The following TRIO variants were observed in gnomAD, a reference collection of about 807,000 sequenced individuals.
The protein encoded by TRIO is trio Rho guanine nucleotide exchange factor, also known as triple functional domain protein.
Under a neutral mutation model 351.9 loss-of-function variants are expected in TRIO, and 58 were observed. The observed-to-expected ratio is 0.16, with a 90% CI of 0.13 to 0.21. The LOEUF is 0.21. TRIO is among the 10% of genes least tolerant of loss of function. TRIO has a pLI of 1.00. For missense variants in TRIO, 3,201 were observed against 4,027.8 expected, an observed-to-expected ratio of 0.79 and a Z score of 5.56; for synonymous variants, 1,758 against 1,595.7, an observed-to-expected ratio of 1.10 and a Z score of -2.42.
intron 2 of TRIO, among the ~76,000 whole-genome samples, chr5:14,278,845 T>C (rs1735756271): frequency 6.6e-6 from 1 of 152,204 alleles, no homozygotes; most frequent in Non-Finnish European, 1.5e-5. Context: ...GAACCCGTTA[T>C]TTAGTTATCT....
intron 27 of TRIO, among the ~76,000 whole-genome samples, chr5:14,393,698 A>G (rs1747313690): frequency 6.6e-6 from 1 of 152,142 alleles, no homozygotes; most frequent in African/African-American, 2.4e-5. Context: ...GAATACAACC[A>G]GTTGTAAAGG....
intron 34 of TRIO, among the ~76,000 whole-genome samples, chr5:14,453,831 G>T (rs1251916608): frequency 6.6e-6 from 1 of 152,192 alleles, no homozygotes; most frequent in Non-Finnish European, 1.5e-5. Context: ...GTTAGCGATG[G>T]GGTGAAAAAG....
At chr5:14,266,950 T>C (rs891328440) in intron 1 of TRIO, among the ~76,000 whole-genome samples, 7 of 152,234 alleles carry the variant, frequency 4.6e-5, no homozygotes, top group Non-Finnish European at 1.0e-4. Context: ...CCATTCTTGC[T>C]GTTTCACTGT....
chr5:14,468,834 G>A (rs376885258), intron 37 of TRIO, among the ~76,000 whole-genome samples: 1 of 152,174 alleles, frequency 6.6e-6, no homozygotes, highest in East Asian at 1.9e-4. Context: ...CAGTTACACA[G>A]TATGATGTTT....
chr5:14,274,569 A>G (rs1735332033), intron 2 of TRIO, among the ~76,000 whole-genome samples: 1 of 152,078 alleles, frequency 6.6e-6, no homozygotes, highest in South Asian at 2.1e-4. Flanking sequence ...TTCATTTATT[A>G]ACTTGGATAT....
chr5:14,401,266 A>G (rs576017043), intron 31 of TRIO, among the ~76,000 whole-genome samples: 2 of 152,332 alleles, frequency 1.3e-5, no homozygotes, highest in African/African-American at 4.8e-5. Flanking sequence ...TTTGAGTTAA[A>G]CTTTCACTTG....
chr5:14,395,166 GCTA>G (rs777672582), intron 28 of TRIO, among the ~76,000 whole-genome samples: 137 of 152,290 alleles, frequency 9.0e-4, no homozygotes, highest in Middle Eastern at 3.4e-3. Context: ...GTAATAAGTA[GCTA>G]CATCGTTTTG....
intron 9 of TRIO, among the ~76,000 whole-genome samples, chr5:14,321,858 A>C (rs561243123): frequency 6.6e-6 from 1 of 152,006 alleles, no homozygotes; most frequent in African/African-American, 2.4e-5. Flanking sequence ...TGGTTTTATA[A>C]ATGGGAGTTC....
chr5:14,380,998 C>T (rs1173812138), intron 20 of TRIO, 132 bp from the exon 21 acceptor site: 11 of 1,257,652 alleles, frequency 8.7e-6, no homozygotes, highest in African/African-American at 6.0e-5. Flanking sequence ...AAACTTGCCT[C>T]TCTGGGAGGG....
At position 14,330,673 on chromosome 5, in the gene TRIO, T is replaced by A; in HGVS notation, c.1732-105T>A. 2.2e-6 allele frequency: 3 copies of A among 1,373,012 alleles called. No homozygotes were observed. In the South Asian group the frequency reaches 6.0e-5, roughly 27 times the overall value. 85.1% of individuals were successfully genotyped at this position (1,373,012 alleles called of 1,614,324 possible). A position where few individuals can be genotyped will look rare whatever the true frequency, so the allele number is the denominator to read the frequency against. On this transcript the variant is annotated intron_variant, in intron 9 of 56. Transcript: ENST00000344204. ...TTTTTTTTCTCGTTTGCTTCTTGTT[T>A]CTTACAGAGTTTTAACAACAGAAGG...
intron 1 of TRIO, among the ~76,000 whole-genome samples, chr5:14,239,982 G>T (rs1487844155): frequency 6.6e-6 from 1 of 152,100 alleles, no homozygotes; most frequent in Non-Finnish European, 1.5e-5. Flanking sequence ...GTTGTTTCAG[G>T]GTACCCTGGT....
chr5:14,388,637 A>G lies in TRIO; in HGVS notation c.3906A>G (p.Gln1302=). 6.2e-7 allele frequency: 1 copy of G among 1,613,778 alleles called. No individual in the cohort carries two copies. Among genetic ancestry groups the G allele is most frequent in the Non-Finnish European group, 8.5e-7 (1 of 1,179,976 alleles). Residue 1302 remains glutamine (Q), a synonymous_variant, in exon 24 of 57, where the codon CAA becomes CAG. Transcript: ENST00000344204. The stretch of plus-strand genomic sequence containing the variant: ...GGTTCATAATGGCTGAGCTCATTCA[A>G]ACTGAAAAGGCTTATGTAAGAGACC... ...RKEFIMAELI[Q]TEKAYVRDLR...
At chr5:14,470,837 C>A (rs1219357332) in intron 37 of TRIO, among the ~76,000 whole-genome samples, 1 of 152,128 alleles carries the variant, frequency 6.6e-6, no homozygotes. Flanking sequence ...GGAAACAAAC[C>A]AAGTTTGTTG....
At chr5:14,258,067 G>A (rs1350910732) in intron 1 of TRIO, among the ~76,000 whole-genome samples, 1 of 152,208 alleles carries the variant, frequency 6.6e-6, no homozygotes, top group Non-Finnish European at 1.5e-5. Flanking sequence ...GCAAGCCCAG[G>A]CTCCTAACTA....
chr5:14,390,553 G>T, intron 26 of TRIO: 1 of 549,344 alleles, frequency 1.8e-6, no homozygotes, highest in Non-Finnish European at 3.2e-6. Context: ...CTGGGGATTT[G>T]CTGATAGGTG....
chr5:14,498,912 C>T, intron 53 of TRIO: 1 of 366,636 alleles, frequency 2.7e-6, no homozygotes, highest in Non-Finnish European at 5.0e-6. Context: ...GTGAAGGCCT[C>T]TGGCTGCCCA....
At chr5:14,461,929 T>A (rs1753849013) in intron 35 of TRIO, among the ~76,000 whole-genome samples, 1 of 152,218 alleles carries the variant, frequency 6.6e-6, no homozygotes, top group South Asian at 2.1e-4. Context: ...GCCAGAGATT[T>A]TTTATGTCCT....
intron 8 of TRIO, among the ~76,000 whole-genome samples, chr5:14,314,764 T>C (rs1739235071): frequency 6.6e-6 from 1 of 152,208 alleles, no homozygotes; most frequent in African/African-American, 2.4e-5. Context: ...TTCAAAATCT[T>C]TGCATCAGCA....
Position 14,504,411 on chromosome 5 carries a change from T to G in TRIO, c.8430T>G (p.Val2810=). 6.2e-7 allele frequency: 1 copy of G among 1,614,054 alleles called. No homozygotes were observed. The highest frequency in any genetic ancestry group is 8.5e-7 in the Non-Finnish European group (1 of 1,179,990). The change falls in exon 55 of 57, where the codon GTT becomes GTG. Residue 2810 remains valine (V), a synonymous_variant. Transcript: ENST00000344204. ...AELGRGRFSV[V]KKCDQKGTKR... The stretch of plus-strand genomic sequence containing the variant: ...TTTACAGGGGCAGATTCTCTGTCGT[T>G]AAGAAATGTGATCAGAAAGGAACCA...
Sources: allele counts gnomAD v4.1 joint callset (sites outside exome capture counted in the v4.1 genomes callset), GRCh38; gene constraint gnomAD v4.1.1; transcripts MANE v1.5; gene names NCBI Gene and HGNC (gene_info 2026-07-23, HGNC 2026-07-21).